Variants in FOXJ3 observed in about 807,000 individuals in gnomAD.
FOXJ3 encodes forkhead box J3, also known as forkhead box protein J3.
FOXJ3 carries 22 observed loss-of-function variants against 76.1 expected under a neutral mutation model. That is an observed-to-expected ratio of 0.29 (90% CI 0.21 to 0.41). The LOEUF (loss-of-function observed/expected upper bound fraction) is 0.41. FOXJ3 is among the 10% of genes least tolerant of loss of function. The probability of loss-of-function intolerance (pLI) is 1.00; values close to 1 mark genes in which losing one functional copy is unlikely to be tolerated. For synonymous variants in FOXJ3, 269 were observed against 261.2 expected, an observed-to-expected ratio of 1.03 and a Z score of -0.29; for missense variants, 613 against 762.1, an observed-to-expected ratio of 0.80 and a Z score of 2.30.
intron 11 of FOXJ3, among the ~76,000 whole-genome samples, chr1:42,186,174 G>C (rs2124153408): frequency 6.6e-6 from 1 of 152,224 alleles, no homozygotes; most frequent in East Asian, 1.9e-4. Context: ...AGGGATGTAA[G>C]ACAGAGAAAA....
intron 2 of FOXJ3, among the ~76,000 whole-genome samples, chr1:42,284,969 T>C (rs1652955962): frequency 6.6e-6 from 1 of 152,222 alleles, no homozygotes; most frequent in Admixed American, 6.5e-5. Flanking sequence ...ACTGACTTTC[T>C]TAGATTTGTC....
At chr1:42,251,700 G>T (rs892099598) in intron 4 of FOXJ3, among the ~76,000 whole-genome samples, 1 of 136,322 alleles carries the variant, frequency 7.3e-6, no homozygotes, top group Non-Finnish European at 1.5e-5. Context: ...GATTCGGTTT[G>T]CCAGTATTTT....
intron 9 of FOXJ3, 35 bp from the exon 10 acceptor site, chr1:42,189,439 G>A (rs1646499097): frequency 7.0e-7 from 1 of 1,427,492 alleles, no homozygotes; most frequent in Non-Finnish European, 9.8e-7. Context: ...ATTCCTGGAT[G>A]GTGAAAGGGT....
intron 12 of FOXJ3, among the ~76,000 whole-genome samples, chr1:42,181,036 C>T (rs1242446872): frequency 6.6e-6 from 1 of 152,260 alleles, no homozygotes; most frequent in Non-Finnish European, 1.5e-5. Context: ...CCAACTCCTT[C>T]CTCACTGCTG....
intron 9 of FOXJ3, chr1:42,189,759 A>C (rs1646506985): frequency 5.5e-6 from 1 of 182,732 alleles, no homozygotes; most frequent in Non-Finnish European, 1.1e-5. Flanking sequence ...TTTACATTAC[A>C]GTACCAATAA....
At chr1:42,228,456 C>T (rs1161876787) in intron 4 of FOXJ3, among the ~76,000 whole-genome samples, 1 of 151,160 alleles carries the variant, frequency 6.6e-6, no homozygotes, top group East Asian at 2.0e-4. Context: ...CTTACTCTGT[C>T]GTGACTTAAC....
chr1:42,176,567 T>C lies in FOXJ3; in HGVS notation c.*3143A>G, dbSNP rs1420927192. The C allele has an allele frequency of 6.6e-6, 1 of 152,568 alleles. No homozygotes were observed. Among genetic ancestry groups the C allele is most frequent in the East Asian group, 1.9e-4 (1 of 5,200 alleles). 9.5% of individuals were successfully genotyped at this position (152,568 alleles called of 1,614,324 possible). A position where few individuals can be genotyped will look rare whatever the true frequency, so the allele number is the denominator to read the frequency against. The stretch of plus-strand genomic sequence containing the variant: ...TGTAAATAGAGTTAACATAATATAT[T>C]TATTTTAAGTGCCATTCATGCATAT... On this transcript the variant is annotated 3_prime_UTR_variant, in exon 13 of 13. Coordinates refer to ENST00000361346, the MANE Select transcript of FOXJ3 (RefSeq NM_014947.5).
At chr1:42,335,413 A>C (rs1656440098), upstream of FOXJ3, 1 of 152,282 alleles carries the variant, frequency 6.6e-6, no homozygotes, top group Non-Finnish European at 1.5e-5. Context: ...GCATCGGCGC[A>C]GCCGGTGTCA....
chr1:42,207,363 A>C lies in FOXJ3; in HGVS notation c.529-1500T>G, dbSNP rs115250561. Among the ~76,000 whole-genome samples the C allele has an allele frequency of 3.1e-3, 472 of 152,306 alleles. 4 individuals are homozygous for C. The highest frequency in any genetic ancestry group is 0.011 in the African/African-American group (438 of 41,578). On this transcript the variant is annotated intron_variant, in intron 5 of 12. Coordinates refer to ENST00000361346, the MANE Select transcript of FOXJ3 (RefSeq NM_014947.5). Reference sequence around the variant, plus strand: ...CTAGAGCAACTGAACGATCCCCTAAATATACCTCATATGTACTGTTTAGAG... The same window carrying C: ...CTAGAGCAACTGAACGATCCCCTAACTATACCTCATATGTACTGTTTAGAG...
intron 4 of FOXJ3, among the ~76,000 whole-genome samples, chr1:42,228,884 T>A (rs189659448): frequency 1.3e-5 from 2 of 152,268 alleles, no homozygotes; most frequent in Non-Finnish European, 2.9e-5. Flanking sequence ...TTACAATTAA[T>A]CCCAGTGATC....
rs187569114 is a variant in FOXJ3 at position 42,177,948 on chromosome 1, G to A, written c.*1762C>T. 2 of 152,586 alleles carry A rather than the reference G, an allele frequency of 1.3e-5. No homozygotes were observed. Among genetic ancestry groups the A allele is most frequent in the African/African-American group, 4.8e-5 (2 of 41,528 alleles). The allele number at this position is 152,586 out of a possible 1,614,324, so 9.5% of individuals were successfully genotyped here. A position where few individuals can be genotyped will look rare whatever the true frequency, so the allele number is the denominator to read the frequency against. ...GTGAGCAGTTATTACTCTTTGACTT[G>A]ATGGAATATATTTCCCCATTAGAAC... is the stretch of plus-strand genomic sequence containing the variant. On this transcript the variant is annotated 3_prime_UTR_variant, in exon 13 of 13. Transcript: ENST00000361346.
chr1:42,329,590 G>A (rs1226438092), intron 1 of FOXJ3, among the ~76,000 whole-genome samples: 1 of 152,214 alleles, frequency 6.6e-6, no homozygotes, highest in African/African-American at 2.4e-5. Context: ...AGCTTTAGCT[G>A]TCTCAAGCCA....
chr1:42,298,706 TTTGTTA>T (rs1413550468), intron 2 of FOXJ3, among the ~76,000 whole-genome samples: 3 of 152,126 alleles, frequency 2.0e-5, no homozygotes, highest in African/African-American at 7.2e-5. Flanking sequence ...TTTTGTGTGG[TTTGTTA>T]TTTTTCTAGT....
chr1:42,323,288 C>T (rs1458378161), intron 1 of FOXJ3, among the ~76,000 whole-genome samples: 3 of 152,062 alleles, frequency 2.0e-5, no homozygotes, highest in South Asian at 2.1e-4. Context: ...TCCTAAAATG[C>T]TTTGTTAATG....
intron 11 of FOXJ3, among the ~76,000 whole-genome samples, chr1:42,188,167 G>A (rs1487808913): frequency 6.6e-6 from 1 of 152,142 alleles, no homozygotes; most frequent in Non-Finnish European, 1.5e-5. Flanking sequence ...ACTTGGATAT[G>A]AAATTCCTAC....
chr1:42,209,704 G>A (rs762538421), intron 5 of FOXJ3, among the ~76,000 whole-genome samples: 8 of 152,176 alleles, frequency 5.3e-5, no homozygotes, highest in Non-Finnish European at 8.8e-5. Flanking sequence ...GCAGCATCAC[G>A]ACATGCTTTA....
At chr1:42,191,194 A>G in intron 9 of FOXJ3, 109 bp downstream of exon 9, 4 of 993,642 alleles carry the variant, frequency 4.0e-6, no homozygotes, top group South Asian at 4.6e-5. Flanking sequence ...TATAGCAAGG[A>G]AACAGATGTA....
At chr1:42,241,992 CA>C (rs1649182024) in intron 4 of FOXJ3, among the ~76,000 whole-genome samples, 1 of 152,140 alleles carries the variant, frequency 6.6e-6, no homozygotes, top group African/African-American at 2.4e-5. Flanking sequence ...CTGAGAAAAA[CA>C]CAAAAATCAC....
rs1447790779 is a variant in FOXJ3, at chr1:42,311,044, A to G, written c.44+6T>C. The G allele has an allele frequency of 1.9e-6, 3 of 1,568,258 alleles. No individual in the cohort carries two copies. Among genetic ancestry groups the G allele is most frequent in the African/African-American group, 1.4e-5 (1 of 72,500 alleles). On this transcript the variant is annotated splice_donor_region_variant and intron_variant, in intron 2 of 12. Coordinates refer to ENST00000361346, the MANE Select transcript of FOXJ3 (RefSeq NM_014947.5). Reference sequence around the variant, plus strand: ...TCTAATAAAGAAAAAAAAAAAGAGCACTCACCTTAATGAAGTTACAGATGG... The same window carrying G: ...TCTAATAAAGAAAAAAAAAAAGAGCGCTCACCTTAATGAAGTTACAGATGG...
Sources: gnomAD v4.1 joint callset for allele counts (sites outside exome capture counted in the v4.1 genomes callset) on GRCh38, gnomAD v4.1.1 for gene constraint, MANE v1.5 for transcripts, NCBI Gene and HGNC (gene_info 2026-07-23, HGNC 2026-07-21) for gene names.